Variants in FMN1 observed in about 807,000 individuals in gnomAD.
FMN1 encodes the protein formin-1.
A neutral mutation model predicts 132.4 loss-of-function variants in FMN1; 110 were observed. The ratio of observed to expected loss-of-function variants is 0.83; its 90% CI spans 0.71 to 0.97. The LOEUF is 0.97. FMN1 is among the 50% of genes least tolerant of loss of function. The pLI is 0.00. For missense variants in FMN1, 1,792 were observed against 1,705.3 expected (o/e 1.05, Z -0.90); for synonymous variants, 722 against 651.7 (o/e 1.11, Z -1.64).
chr15:33,049,656 G>A (rs570644734), intron 6 of FMN1, among the ~76,000 whole-genome samples: 15 of 152,264 alleles, frequency 9.9e-5, no homozygotes, highest in South Asian at 8.3e-4. Flanking sequence ...TCTATACATC[G>A]TGAACTATAA....
chr15:33,014,890 T>C (rs558024509), intron 6 of FMN1, among the ~76,000 whole-genome samples: 2 of 152,368 alleles, frequency 1.3e-5, no homozygotes, highest in Non-Finnish European at 2.9e-5. Flanking sequence ...ACTTACTAAA[T>C]GAGTTTACCT....
chr15:33,013,325 A>G (rs981388611), intron 6 of FMN1, among the ~76,000 whole-genome samples: 3 of 152,210 alleles, frequency 2.0e-5, no homozygotes, highest in African/African-American at 7.2e-5. Context: ...CAAGGGTTTT[A>G]ATACAGTGGT....
intron 3 of FMN1, among the ~76,000 whole-genome samples, chr15:33,177,287 C>G (rs1391462609): frequency 6.6e-6 from 1 of 152,182 alleles, no homozygotes; most frequent in African/African-American, 2.4e-5. Context: ...TACTCATTTA[C>G]TAATTCCTCT....
chr15:33,139,358 A>G (rs1011009314), intron 4 of FMN1, among the ~76,000 whole-genome samples: 1 of 152,196 alleles, frequency 6.6e-6, no homozygotes, highest in African/African-American at 2.4e-5. Flanking sequence ...GCACTTTGGG[A>G]GGCCGAGGCG....
chr15:32,821,693 A>G (rs1226454006), intron 17 of FMN1, among the ~76,000 whole-genome samples: 2 of 151,668 alleles, frequency 1.3e-5, no homozygotes, highest in Non-Finnish European at 2.9e-5. Flanking sequence ...CTCATGATCC[A>G]CCTGCCTCAG....
intron 4 of FMN1, among the ~76,000 whole-genome samples, chr15:33,139,074 G>T (rs11072253): frequency 0.44 from 67,609 of 152,068 alleles, 16,307 homozygotes; most frequent in South Asian, 0.55. Context: ...ATTATGACAC[G>T]TAACAGACTA....
chr15:33,172,025 C>T (rs1482989890), intron 3 of FMN1, among the ~76,000 whole-genome samples: 3 of 151,976 alleles, frequency 2.0e-5, no homozygotes, highest in South Asian at 2.1e-4. Flanking sequence ...CTGGCTGACA[C>T]GGTGAAACCC....
chr15:32,846,546 A>G (rs1206968679), intron 17 of FMN1, among the ~76,000 whole-genome samples: 1 of 152,236 alleles, frequency 6.6e-6, no homozygotes, highest in Non-Finnish European at 1.5e-5. Flanking sequence ...TGGCGATTAA[A>G]AAGTCAAGAA....
intron 3 of FMN1, among the ~76,000 whole-genome samples, chr15:33,157,631 G>GT (rs1483024370): frequency 6.6e-6 from 1 of 151,980 alleles, no homozygotes; most frequent in African/African-American, 2.4e-5. Flanking sequence ...GTTGTTTTCT[G>GT]TTTTTTGTTT....
chr15:33,128,354 AT>A (rs1387037430), intron 4 of FMN1, among the ~76,000 whole-genome samples: 2 of 152,110 alleles, frequency 1.3e-5, no homozygotes, highest in Non-Finnish European at 2.9e-5. Context: ...ATCCTTGACG[AT>A]CTCAAGGATT....
intron 19 of FMN1, among the ~76,000 whole-genome samples, chr15:32,782,254 C>T (rs761385096): frequency 4.6e-5 from 7 of 152,162 alleles, no homozygotes; most frequent in Non-Finnish European, 1.0e-4. Flanking sequence ...CAGCACTGTA[C>T]CATGCTCAAG....
intron 4 of FMN1, among the ~76,000 whole-genome samples, chr15:33,112,559 G>T (rs1173792855): frequency 6.6e-6 from 1 of 152,158 alleles, no homozygotes; most frequent in Non-Finnish European, 1.5e-5. Flanking sequence ...TCAGGCACTA[G>T]TGCTTAGTTT....
chr15:32,785,218 A>ATTTTTTTTTTTTTTTTTTTTT (rs1230723314), intron 19 of FMN1, among the ~76,000 whole-genome samples: 1 of 39,204 alleles, frequency 2.6e-5, no homozygotes, highest in Non-Finnish European at 4.5e-5. Flanking sequence ...ATATATATAT[A>ATTTTTTTTTTTTTTTTTTTTT]TTTTTTTTTT....
At chr15:32,917,502 C>A (rs544074508) in intron 10 of FMN1, among the ~76,000 whole-genome samples, 1 of 152,212 alleles carries the variant, frequency 6.6e-6, no homozygotes, top group South Asian at 2.1e-4. Context: ...TACTTAATAA[C>A]TGATAGAATT....
chr15:32,876,520 C>T (rs1425423979), intron 16 of FMN1, among the ~76,000 whole-genome samples: 1 of 152,172 alleles, frequency 6.6e-6, no homozygotes, highest in Non-Finnish European at 1.5e-5. Flanking sequence ...TGGATCACAG[C>T]AGTGTGAGAT....
chr15:32,962,053 T>C (rs1254629273), intron 9 of FMN1, among the ~76,000 whole-genome samples: 1 of 152,160 alleles, frequency 6.6e-6, no homozygotes, highest in Admixed American at 6.5e-5. Context: ...TACTATGTGA[T>C]TGACAGGGTT....
chr15:32,813,420 CTTT>C lies in FMN1; in HGVS notation c.3929-9091_3929-9089del, dbSNP rs1305113227. ...CCACACTTTTTCAGAAGTAAACTCACTTTTTTTTTCCCAATATATTTTCACTAG... is the reference window on the plus strand; with the variant it reads ...CCACACTTTTTCAGAAGTAAACTCACTTTTTTCCCAATATATTTTCACTAG... On this transcript the variant is annotated intron_variant, in intron 17 of 20. Coordinates refer to ENST00000616417, the MANE Select transcript of FMN1 (RefSeq NM_001277313.2). Among the ~76,000 whole-genome samples, 4 of 151,732 alleles carry C rather than the reference CTTT, an allele frequency of 2.6e-5. 1 individual carries two copies. In the South Asian group the frequency reaches 8.3e-4, roughly 32 times the overall value.
intron 3 of FMN1, among the ~76,000 whole-genome samples, chr15:33,171,143 G>A (rs907155024): frequency 2.0e-5 from 3 of 152,204 alleles, no homozygotes; most frequent in Admixed American, 1.3e-4. Flanking sequence ...CATGTTTTCA[G>A]TCATATGTGG....
chr15:33,011,136 A>AC (rs1322354551), intron 6 of FMN1, among the ~76,000 whole-genome samples: 5 of 152,164 alleles, frequency 3.3e-5, no homozygotes, highest in Non-Finnish European at 5.9e-5. Flanking sequence ...AACTTACCTT[A>AC]CCTCCTAATG....
Sources: allele counts gnomAD v4.1 joint callset (sites outside exome capture counted in the v4.1 genomes callset), GRCh38; gene constraint gnomAD v4.1.1; transcripts MANE v1.5; gene names NCBI Gene and HGNC (gene_info 2026-07-23, HGNC 2026-07-21).